The following PLXNA2 variants were observed in gnomAD, a reference collection of about 807,000 sequenced individuals.
PLXNA2 encodes plexin-A2.
Under a neutral mutation model 193.5 loss-of-function variants are expected in PLXNA2, and 91 were observed. The ratio of observed to expected loss-of-function variants is 0.47; its 90% CI spans 0.40 to 0.56. The LOEUF is 0.56. PLXNA2 is among the 20% of genes least tolerant of loss of function. The pLI is 0.00. For missense variants in PLXNA2, 1,995 were observed against 2,503.2 expected (o/e 0.80, Z 4.33); for synonymous variants, 997 against 1,027.3 (o/e 0.97, Z 0.56).
At chr1:208,113,286 C>T (rs557580213) in intron 4 of PLXNA2, among the ~76,000 whole-genome samples, 4 of 152,154 alleles carry the variant, frequency 2.6e-5, no homozygotes, top group Non-Finnish European at 5.9e-5. Flanking sequence ...GGCAGGGATG[C>T]CCCCTACCTA....
At chr1:208,141,693 G>A (rs186859497) in intron 4 of PLXNA2, among the ~76,000 whole-genome samples, 1 of 152,194 alleles carries the variant, frequency 6.6e-6, no homozygotes, top group East Asian at 1.9e-4. Context: ...CCTTCACCAT[G>A]GCTCTCTCTG....
rs774241752 is a variant in PLXNA2, at chr1:208,042,378, T to A, written c.4018-12A>T. 1.3e-5 allele frequency: 21 copies of A among 1,610,742 alleles called. No homozygotes were observed. Among genetic ancestry groups the A allele is most frequent in the Non-Finnish European group, 1.8e-5 (21 of 1,177,828 alleles). The stretch of plus-strand genomic sequence containing the variant: ...CCGTTTCCTTGTACCTGGGGTGGGG[T>A]GTGGTGGAGGCGACGCCCTCAGAGG... On this transcript the variant is annotated splice_polypyrimidine_tract_variant and intron_variant, in intron 21 of 31. Coordinates refer to ENST00000367033, the MANE Select transcript of PLXNA2 (RefSeq NM_025179.4).
At chr1:208,149,083 G>A (rs553723632) in intron 3 of PLXNA2, among the ~76,000 whole-genome samples, 15 of 152,098 alleles carry the variant, frequency 9.9e-5, no homozygotes, top group Non-Finnish European at 1.8e-4. Context: ...TTTATCACTC[G>A]CTTCTACCTC....
chr1:208,162,215 G>A (rs772531170), intron 3 of PLXNA2, among the ~76,000 whole-genome samples: 2 of 152,212 alleles, frequency 1.3e-5, no homozygotes, highest in Non-Finnish European at 2.9e-5. Context: ...TAGCAGGAAG[G>A]GCAGAAGGCT....
rs996532375 is a variant in PLXNA2 at position 208,038,851 on chromosome 1, C to A, written c.4634G>T (p.Arg1545Leu). Residue 1545 changes from arginine to leucine, a missense_variant, in exon 25 of 32, where the codon CGG (arginine) becomes CTG (leucine). By Grantham distance (102) the Arg-to-Leu change is moderately radical. Coordinates refer to ENST00000367033, the MANE Select transcript of PLXNA2 (RefSeq NM_025179.4). The surrounding 1 kb of genome is among the most constrained non-coding windows in gnomAD (Gnocchi z 4.1). Reference protein sequence around the residue: ...AVYKNVPYSQRPRAVDMDLEW... With the variant: ...AVYKNVPYSQLPRAVDMDLEW... ...CAAGTCCATGTCCACTGCCCTCGGC[C>A]GCTGGGAATAGGGCACATTCTTATA... 1.9e-6 allele frequency: 3 copies of A among 1,614,062 alleles called. No individual in the cohort carries two copies. Among genetic ancestry groups the A allele is most frequent in the Non-Finnish European group, 2.5e-6 (3 of 1,179,998 alleles).
intron 4 of PLXNA2, among the ~76,000 whole-genome samples, chr1:208,140,321 C>T (rs1668423197): frequency 6.6e-6 from 1 of 152,172 alleles, no homozygotes; most frequent in Non-Finnish European, 1.5e-5. Context: ...AATGCATTTT[C>T]AGAAAGCGTT....
intron 12 of PLXNA2, among the ~76,000 whole-genome samples, chr1:208,061,347 G>A (rs74152186): frequency 0.019 from 2,894 of 152,274 alleles, 83 homozygotes; most frequent in African/African-American, 0.064. Context: ...GCTACAGCCT[G>A]TTGGGGGTAC....
intron 4 of PLXNA2, among the ~76,000 whole-genome samples, chr1:208,141,074 C>T (rs1250302565): frequency 2.6e-5 from 4 of 152,220 alleles, no homozygotes; most frequent in Non-Finnish European, 5.9e-5. Context: ...TATACTTCAA[C>T]GGCAGAGGCC....
intron 1 of PLXNA2, among the ~76,000 whole-genome samples, chr1:208,224,045 C>G (rs1671432185): frequency 6.6e-6 from 1 of 152,158 alleles, no homozygotes; most frequent in South Asian, 2.1e-4. Flanking sequence ...TCTTCATATC[C>G]CTTGTGCAGC....
Position 208,217,820 on chromosome 1 carries a change from T to A in PLXNA2, c.103A>T (p.Met35Leu). Residue 35 changes from methionine to leucine, a missense_variant, in exon 2 of 32, where the codon ATG becomes TTG. By Grantham distance (15) the Met-to-Leu change is conservative. Coordinates refer to ENST00000367033, the MANE Select transcript of PLXNA2 (RefSeq NM_025179.4). This position sits in a 1 kb window ranked among gnomAD's most constrained non-coding sequence, Gnocchi z 4.7. ...GAGTGGAAGGTGCTGAACTGAGGCA[T>A]GCCGGCTGCTGGGGGGGCCAGCAGC... Reference protein sequence around the residue: ...WVLLAPPAAGMPQFSTFHSEN... With the variant: ...WVLLAPPAAGLPQFSTFHSEN... 1 of 1,614,132 alleles carries A rather than the reference T, an allele frequency of 6.2e-7. No individual in the cohort carries two copies.
chr1:208,161,669 T>TA (rs901538231), intron 3 of PLXNA2, among the ~76,000 whole-genome samples: 3 of 152,024 alleles, frequency 2.0e-5, no homozygotes, highest in African/African-American at 7.3e-5. Flanking sequence ...TTAATAATAA[T>TA]AAAAAAATTG....
chr1:208,092,735 G>T, intron 9 of PLXNA2, 51 bp downstream of exon 9: 1 of 1,287,714 alleles, frequency 7.8e-7, no homozygotes. Flanking sequence ...AGAGGGAGGG[G>T]CCACTCAGAC....
chr1:208,104,637 T>A (rs1667203536), intron 4 of PLXNA2, among the ~76,000 whole-genome samples: 1 of 152,154 alleles, frequency 6.6e-6, no homozygotes. Flanking sequence ...CATGGATAAG[T>A]TCAGTATAAA....
At position 208,093,541 on chromosome 1, in the gene PLXNA2, C is replaced by T. The variant is rs1666780411; in HGVS notation, c.1983-641G>A. Among the ~76,000 whole-genome samples the T allele has an allele frequency of 2.0e-5, 3 of 152,148 alleles. No homozygotes were observed. The South Asian group carries it at 6.2e-4, about 32-fold the overall frequency. The stretch of plus-strand genomic sequence containing the variant: ...GCATAGAAAATGGTTTCGAAAAATG[C>T]CATGCTAAATGTGAGTATTATTGTC... On this transcript the variant is annotated intron_variant, in intron 8 of 31. Transcript: ENST00000367033.
At chr1:208,175,504 G>C (rs143027258) in intron 3 of PLXNA2, among the ~76,000 whole-genome samples, 59 of 152,368 alleles carry the variant, frequency 3.9e-4, no homozygotes, top group Non-Finnish European at 6.3e-4. Context: ...ACCTGGCCTG[G>C]AGGAAGAGGA....
At chr1:208,134,389 G>T (rs929252932) in intron 4 of PLXNA2, among the ~76,000 whole-genome samples, 1 of 152,074 alleles carries the variant, frequency 6.6e-6, no homozygotes, top group Non-Finnish European at 1.5e-5. Flanking sequence ...GCCCCGGGAG[G>T]TGGGAGGCAG....
chr1:208,137,763 T>C (rs960829662), intron 4 of PLXNA2, among the ~76,000 whole-genome samples: 3 of 152,220 alleles, frequency 2.0e-5, no homozygotes, highest in African/African-American at 7.2e-5. Flanking sequence ...TAGTCCTATT[T>C]CTTAATTACA....
intron 1 of PLXNA2, among the ~76,000 whole-genome samples, chr1:208,232,529 T>C (rs1671722549): frequency 6.6e-6 from 1 of 152,262 alleles, no homozygotes; most frequent in Non-Finnish European, 1.5e-5. Context: ...CTTTCGTTTC[T>C]TTGCTAAGCA....
chr1:208,184,852 G>A (rs532850133), intron 3 of PLXNA2, among the ~76,000 whole-genome samples: 3 of 152,100 alleles, frequency 2.0e-5, no homozygotes, highest in Non-Finnish European at 4.4e-5. Flanking sequence ...AGGCTTAAGC[G>A]GGGGGCCAGC....
Sources: allele counts gnomAD v4.1 joint callset (sites outside exome capture counted in the v4.1 genomes callset), GRCh38; gene constraint gnomAD v4.1.1; non-coding constraint Gnocchi (gnomAD v3.1); transcripts MANE v1.5; gene names NCBI Gene and HGNC (gene_info 2026-07-23, HGNC 2026-07-21).